SND1: variants seen among roughly 807,000 people sequenced by gnomAD.
SND1 encodes staphylococcal nuclease domain-containing protein 1.
In SND1, 38 loss-of-function variants were observed where a neutral mutation model predicts 121.7. The observed-to-expected ratio is 0.31, with a 90% CI of 0.24 to 0.41. SND1 has a LOEUF of 0.41. Ranked by LOEUF, SND1 falls within the 10% of genes least tolerant of loss-of-function variation. The probability of loss-of-function intolerance (pLI) is 1.00; values close to 1 mark genes in which losing one functional copy is unlikely to be tolerated. For missense variants in SND1, 868 were observed against 1,184.6 expected (o/e 0.73, Z 3.92); for synonymous variants, 401 against 447.4 (o/e 0.90, Z 1.31).
At chr7:127,774,091 G>GT (rs1169683403) in intron 10 of SND1, among the ~76,000 whole-genome samples, 1 of 152,092 alleles carries the variant, frequency 6.6e-6, no homozygotes. Flanking sequence ...TTTTTGAAAA[G>GT]TTAACTATAA....
intron 16 of SND1, chr7:128,028,769 C>G (rs900183382): frequency 5.0e-6 from 8 of 1,614,060 alleles, no homozygotes; most frequent in Non-Finnish European, 2.5e-6. Flanking sequence ...GCAGAGAGTT[C>G]CCCAGGCTGT....
intron 15 of SND1, among the ~76,000 whole-genome samples, chr7:127,978,471 A>G (rs1302214127): frequency 1.3e-5 from 2 of 152,200 alleles, no homozygotes; most frequent in Non-Finnish European, 2.9e-5. Context: ...GAGCTTATGG[A>G]AAGTATGCTT....
intron 10 of SND1, among the ~76,000 whole-genome samples, chr7:127,758,019 C>T (rs1471355254): frequency 6.6e-6 from 1 of 152,138 alleles, no homozygotes; most frequent in South Asian, 2.1e-4. Context: ...ATCGCTATGC[C>T]GCAAGATCTT....
intron 10 of SND1, among the ~76,000 whole-genome samples, chr7:127,803,445 T>A (rs1030551192): frequency 1.3e-5 from 2 of 152,196 alleles, no homozygotes; most frequent in Non-Finnish European, 2.9e-5. Flanking sequence ...CAACCTTTTT[T>A]AAATATATAA....
chr7:127,955,679 C>G (rs1479879365), intron 15 of SND1, among the ~76,000 whole-genome samples: 3 of 152,306 alleles, frequency 2.0e-5, no homozygotes, highest in African/African-American at 7.2e-5. Flanking sequence ...TCCTTGGGGT[C>G]TATAGAATCA....
rs1164969531 is a variant in SND1, at chr7:128,029,459, G to A, written c.1779+38403G>A. 3.7e-6 allele frequency: 6 copies of A among 1,614,212 alleles called. No individual in the cohort carries two copies. The highest frequency in any genetic ancestry group is 2.2e-5 in the East Asian group (1 of 44,884). ...CAGAGATCCTTGGGTGGCGGGAGGC[G>A]TGGCTGAGCACTGTCCCATTGGGCA... On this transcript the variant is annotated intron_variant, in intron 16 of 23. Transcript: ENST00000354725. This position sits in a 1 kb window ranked among gnomAD's most constrained non-coding sequence, Gnocchi z 4.2.
chr7:127,918,596 C>T (rs1800635893), intron 14 of SND1, among the ~76,000 whole-genome samples: 1 of 152,156 alleles, frequency 6.6e-6, no homozygotes, highest in Admixed American at 6.5e-5. Flanking sequence ...TTATTCTTAA[C>T]TATACAGTCA....
chr7:128,081,609 C>A, intron 18 of SND1, 108 bp downstream of exon 18: 2 of 1,298,134 alleles, frequency 1.5e-6, no homozygotes, highest in South Asian at 1.3e-5. Flanking sequence ...CCTAGGCAGT[C>A]CAGGAGCCTC....
chr7:127,765,381 G>A (rs915008548), intron 10 of SND1, among the ~76,000 whole-genome samples: 3 of 152,192 alleles, frequency 2.0e-5, no homozygotes, highest in East Asian at 1.9e-4. Flanking sequence ...TGATTGGCAC[G>A]TCTCACTCAG....
At position 128,085,081 on chromosome 7, in the gene SND1, G is replaced by T. The variant is rs533914466; in HGVS notation, c.2234+234G>T. ...GTGGCTCCTTCCTTGTCTCCTGGGGGATTCCAGGGTGGGAGCCCTTGCTGG... is the reference window on the plus strand; with the variant it reads ...GTGGCTCCTTCCTTGTCTCCTGGGGTATTCCAGGGTGGGAGCCCTTGCTGG... On this transcript the variant is annotated intron_variant, in intron 19 of 23. Transcript: ENST00000354725. The surrounding 1 kb of genome is among the most constrained non-coding windows in gnomAD (Gnocchi z 4.4). 3.3e-5 allele frequency among the ~76,000 whole-genome samples: 5 copies of T among 152,290 alleles called. No homozygotes were observed. The East Asian group carries it at 9.7e-4, about 30-fold the overall frequency.
intron 1 of SND1, among the ~76,000 whole-genome samples, chr7:127,673,145 TATATG>T (rs1252799717): frequency 1.4e-5 from 2 of 148,040 alleles, no homozygotes; most frequent in Admixed American, 6.8e-5. Flanking sequence ...TTATATATGA[TATATG>T]ATATATAATA....
At chr7:127,960,245 G>A (rs546039631) in intron 15 of SND1, among the ~76,000 whole-genome samples, 35 of 152,276 alleles carry the variant, frequency 2.3e-4, no homozygotes, top group Middle Eastern at 6.8e-3. Context: ...TTCCTAGCAC[G>A]ATGGTGGGCA....
intron 16 of SND1, among the ~76,000 whole-genome samples, chr7:128,040,335 A>G (rs995244815): frequency 6.7e-6 from 1 of 149,492 alleles, no homozygotes; most frequent in South Asian, 2.2e-4. Flanking sequence ...TGGGAGGCCA[A>G]GGTGGGGGAA....
intron 11 of SND1, among the ~76,000 whole-genome samples, chr7:127,816,649 C>G (rs1270142151): frequency 6.7e-6 from 1 of 149,296 alleles, no homozygotes; most frequent in Non-Finnish European, 1.5e-5. Flanking sequence ...AACACCAATT[C>G]ATTTCTCAAA....
chr7:127,796,376 C>T (rs1798027026), intron 10 of SND1, among the ~76,000 whole-genome samples: 1 of 152,000 alleles, frequency 6.6e-6, no homozygotes, highest in Non-Finnish European at 1.5e-5. Flanking sequence ...TTTTAGTTGT[C>T]AAAAATAAAT....
intron 2 of SND1, among the ~76,000 whole-genome samples, chr7:127,694,010 T>TCTG (rs1795966477): frequency 1.3e-5 from 2 of 152,158 alleles, no homozygotes; most frequent in Non-Finnish European, 2.9e-5. Context: ...TGTGGATGTG[T>TCTG]AGCTCAGTCC....
rs1227495610 is a variant in SND1, at chr7:128,085,545, C to T, written c.2235-166C>T. ...TGCTCTGATTCCATTAGGTGGTGAC[C>T]ACAGTGGCCGAGGCTGGGCCTAGAT... On this transcript the variant is annotated intron_variant, in intron 19 of 23. Transcript: ENST00000354725. The surrounding 1 kb of genome is among the most constrained non-coding windows in gnomAD (Gnocchi z 4.4). Among the ~76,000 whole-genome samples, 1 of 152,066 alleles carries T rather than the reference C, an allele frequency of 6.6e-6. No individual in the cohort carries two copies. Among genetic ancestry groups the T allele is most frequent in the Non-Finnish European group, 1.5e-5 (1 of 68,012 alleles).
intron 16 of SND1, among the ~76,000 whole-genome samples, chr7:128,001,636 A>G (rs552963557): frequency 6.6e-6 from 1 of 152,348 alleles, no homozygotes; most frequent in African/African-American, 2.4e-5. Context: ...TTTATTATTA[A>G]TAGAAATTCT....
At chr7:127,763,920 C>T (rs957172363) in intron 10 of SND1, among the ~76,000 whole-genome samples, 2 of 151,342 alleles carry the variant, frequency 1.3e-5, no homozygotes, top group African/African-American at 4.9e-5. Context: ...TAAAACAAAT[C>T]AGCTGGATGT....
Sources: allele counts gnomAD v4.1 joint callset (sites outside exome capture counted in the v4.1 genomes callset), GRCh38; gene constraint gnomAD v4.1.1; non-coding constraint Gnocchi (gnomAD v3.1); transcripts MANE v1.5; gene names NCBI Gene and HGNC (gene_info 2026-07-23, HGNC 2026-07-21).